Variants in STYXL2 observed in about 807,000 individuals in gnomAD.
STYXL2 encodes serine/threonine/tyrosine-interacting-like protein 2.
STYXL2 carries 44 observed loss-of-function variants against 52.4 expected under a neutral mutation model. The observed-to-expected ratio is 0.84, with a 90% confidence interval of 0.66 to 1.08. STYXL2 has a LOEUF of 1.08. STYXL2 is among the 50% of genes least tolerant of loss of function. The probability of loss-of-function intolerance (pLI) is 0.00; values close to 1 mark genes in which losing one functional copy is unlikely to be tolerated. For missense variants in STYXL2, 1,604 were observed against 1,471.7 expected, an observed-to-expected ratio of 1.09 and a Z score of -1.47; for synonymous variants, 604 against 586.9, an observed-to-expected ratio of 1.03 and a Z score of -0.42.
chr1:167,098,962 G>A (rs1381085177), intron 2 of STYXL2, among the ~76,000 whole-genome samples: 6 of 152,038 alleles, frequency 3.9e-5, no homozygotes. Context: ...TCAAGGGGAG[G>A]CAACATAAAC....
chr1:167,115,227 C>T (rs1309166011), intron 3 of STYXL2, among the ~76,000 whole-genome samples: 2 of 152,126 alleles, frequency 1.3e-5, no homozygotes, highest in African/African-American at 4.8e-5. Context: ...GCCTTAGTGG[C>T]TGAAGGGCTA....
intron 2 of STYXL2, among the ~76,000 whole-genome samples, chr1:167,102,815 A>G (rs1274647153): frequency 6.6e-6 from 1 of 152,192 alleles, no homozygotes; most frequent in African/African-American, 2.4e-5. Context: ...TAAAGGTTTG[A>G]GTCTTTAAGT....
chr1:167,121,321 T>C (rs1667852258), intron 5 of STYXL2, among the ~76,000 whole-genome samples: 1 of 152,198 alleles, frequency 6.6e-6, no homozygotes, highest in Non-Finnish European at 1.5e-5. Flanking sequence ...AAAAACTCCT[T>C]CTTTTTAAAA....
chr1:167,108,922 G>C (rs1461017505), intron 2 of STYXL2, among the ~76,000 whole-genome samples: 2 of 152,178 alleles, frequency 1.3e-5, no homozygotes, highest in African/African-American at 2.4e-5. Context: ...CAGATCACAG[G>C]AGAAGGATTT....
At chr1:167,102,304 A>AAT (rs750220480) in intron 2 of STYXL2, among the ~76,000 whole-genome samples, 58 of 150,346 alleles carry the variant, frequency 3.9e-4, no homozygotes, top group South Asian at 8.4e-4. Flanking sequence ...GTTTTTTAAA[A>AAT]ATATATATAT....
At position 167,127,038 on chromosome 1, in the gene STYXL2, CGCT is replaced by C; in HGVS notation, c.1909_1911del (p.Leu637del). 2 of 1,607,926 alleles carry C rather than the reference CGCT, an allele frequency of 1.2e-6. No homozygotes were observed. The highest frequency in any genetic ancestry group is 3.4e-5 in the Admixed American group (2 of 59,658). ...GAGCTGCTGGAGAGAAGCCGGCAGA[CGCT>C]GGAGGAGAGCCAGTCTATGGCAAGC... On this transcript the variant is annotated inframe_deletion, in exon 6 of 6. Coordinates refer to ENST00000361200, the MANE Select transcript of STYXL2 (RefSeq NM_001080426.3).
chr1:167,108,819 T>A (rs1667558776), intron 2 of STYXL2, among the ~76,000 whole-genome samples: 1 of 152,054 alleles, frequency 6.6e-6, no homozygotes, highest in South Asian at 2.1e-4. Context: ...TCTGCAAACA[T>A]CATGAGATAG....
rs565172764 is a variant in STYXL2 at position 167,104,716 on chromosome 1, T to C, written c.111-8994T>C. On this transcript the variant is annotated intron_variant, in intron 2 of 5. Transcript: ENST00000361200. ...TTCCTTAGAGCCTGAACTTTGCCTG[T>C]GTGTAGTCATTTTCTCTGAAGTCAC... Among the ~76,000 whole-genome samples, 3 of 152,348 alleles carry C rather than the reference T, an allele frequency of 2.0e-5. No homozygotes were observed. In the South Asian group the frequency reaches 6.2e-4, roughly 32 times the overall value.
chr1:167,127,566 G>A lies in STYXL2; in HGVS notation c.2435G>A (p.Cys812Tyr), dbSNP rs1668002741. 1 of 1,614,116 alleles carries A rather than the reference G, an allele frequency of 6.2e-7. No individual in the cohort carries two copies. The highest frequency in any genetic ancestry group is 8.5e-7 in the Non-Finnish European group (1 of 1,180,000). Residue 812 changes from cysteine to tyrosine, a missense_variant, in exon 6 of 6, where the codon TGC becomes TAC. By Grantham distance (194) the Cys-to-Tyr change is radical. Coordinates refer to ENST00000361200, the MANE Select transcript of STYXL2 (RefSeq NM_001080426.3). ...NTTLSSPAESCRSKVRGTSKP... is the reference protein window; with the variant it reads ...NTTLSSPAESYRSKVRGTSKP... ...ACACTGAGCTCACCCGCGGAAAGTT[G>A]CAGAAGCAAAGTGAGGGGGACCAGC...
At chr1:167,115,707 G>A (rs1263653036) in intron 3 of STYXL2, among the ~76,000 whole-genome samples, 1 of 152,120 alleles carries the variant, frequency 6.6e-6, no homozygotes, top group Non-Finnish European at 1.5e-5. Flanking sequence ...GGAGAAAACT[G>A]GGTAGTGGAG....
At chr1:167,099,374 C>T (rs977685347) in intron 2 of STYXL2, among the ~76,000 whole-genome samples, 10 of 152,092 alleles carry the variant, frequency 6.6e-5, no homozygotes, top group Non-Finnish European at 1.2e-4. Context: ...ATAGAACATG[C>T]ACCCAACAAG....
intron 5 of STYXL2, among the ~76,000 whole-genome samples, chr1:167,122,070 G>A (rs938383827): frequency 6.6e-6 from 1 of 152,064 alleles, no homozygotes; most frequent in Non-Finnish European, 1.5e-5. Flanking sequence ...GCCTATGAGG[G>A]GGTGTTGTTA....
rs767627024 is a variant in STYXL2, at chr1:167,127,218, C to A, written c.2087C>A (p.Ala696Glu). 6.2e-7 allele frequency: 1 copy of A among 1,613,984 alleles called. No individual in the cohort carries two copies. The highest frequency in any genetic ancestry group is 8.5e-7 in the Non-Finnish European group (1 of 1,179,980). Residue 696 changes from alanine to glutamate, a missense_variant, in exon 6 of 6, where the codon GCG becomes GAG. Ala to Glu is a moderately radical substitution (Grantham distance 107). Coordinates refer to ENST00000361200, the MANE Select transcript of STYXL2 (RefSeq NM_001080426.3). Reference protein sequence around the residue: ...SHLSQAASNIAGCSTSNPTTP... With the variant: ...SHLSQAASNIEGCSTSNPTTP... Reference sequence around the variant, plus strand: ...CTGTCTCAGGCTGCAAGCAACATAGCGGGGTGTTCAACCTCCAACCCCACC... The same window carrying A: ...CTGTCTCAGGCTGCAAGCAACATAGAGGGGTGTTCAACCTCCAACCCCACC...
At chr1:167,107,210 A>G (rs1667521972) in intron 2 of STYXL2, among the ~76,000 whole-genome samples, 1 of 152,066 alleles carries the variant, frequency 6.6e-6, no homozygotes, top group South Asian at 2.1e-4. Context: ...AGGAGTTCCC[A>G]GAAAAAGAGT....
chr1:167,101,748 C>G (rs1488516897), intron 2 of STYXL2, among the ~76,000 whole-genome samples: 1 of 149,738 alleles, frequency 6.7e-6, no homozygotes, highest in African/African-American at 2.5e-5. Flanking sequence ...TTGCAGTGAA[C>G]CAAGATTGCA....
chr1:167,126,259 C>G lies in STYXL2; in HGVS notation c.1128C>G (p.Ser376=). ...PQDGGGWRSA[S]SGQGGEELED... The stretch of plus-strand genomic sequence containing the variant: ...ATGGAGGTGGCTGGCGCTCAGCCTC[C>G]TCTGGCCAGGGTGGGGAGGAGCTCG... Residue 376 remains serine (S), a synonymous_variant, in exon 6 of 6, where the codon TCC becomes TCG. Transcript: ENST00000361200. 1 of 1,543,866 alleles carries G rather than the reference C, an allele frequency of 6.5e-7. No homozygotes were observed. The highest frequency in any genetic ancestry group is 2.3e-5 in the East Asian group (1 of 43,500).
intron 3 of STYXL2, among the ~76,000 whole-genome samples, chr1:167,116,720 C>T (rs1667731786): frequency 7.0e-6 from 1 of 142,948 alleles, no homozygotes; most frequent in Non-Finnish European, 1.5e-5. Context: ...GGCATGCTCT[C>T]AGCTCACTGC....
At position 167,119,252 on chromosome 1, in the gene STYXL2, T is replaced by C; in HGVS notation, c.441T>C (p.Ser147=). 1 of 1,613,832 alleles carries C rather than the reference T, an allele frequency of 6.2e-7. No individual in the cohort carries two copies. Among genetic ancestry groups the C allele is most frequent in the Non-Finnish European group, 8.5e-7 (1 of 1,179,942 alleles). Residue 147 remains serine (S), a synonymous_variant, in exon 5 of 6, where the codon AGT becomes AGC. Coordinates refer to ENST00000361200, the MANE Select transcript of STYXL2 (RefSeq NM_001080426.3). The part of the protein sequence containing the change: ...VWPNVFIAEK[S]VAVNKGRLKR... ...AGGTCCCTGCCTCTTCCCGCAGGAG[T>C]GTGGCTGTGAACAAGGGGAGGCTGA...
rs758753192 is a variant in STYXL2 at position 167,127,071 on chromosome 1, A to G, written c.1940A>G (p.Glu647Gly). 2 of 1,612,970 alleles carry G rather than the reference A, an allele frequency of 1.2e-6. No individual in the cohort carries two copies. The highest frequency in any genetic ancestry group is 1.1e-5 in the South Asian group (1 of 90,934). The change falls in exon 6 of 6, where the codon GAG (glutamate) becomes GGG (glycine). Residue 647 changes from glutamate (E) to glycine (G), a missense_variant. Transcript: ENST00000361200. The part of the protein sequence containing the change: ...LEESQSMASW[E>G]ADSSTASGSI... ...GAGAGCCAGTCTATGGCAAGCTGGG[A>G]GGCGGACAGCTCCACGGCCAGCGGG...
Sources: gnomAD v4.1 joint callset for allele counts (sites outside exome capture counted in the v4.1 genomes callset) on GRCh38, gnomAD v4.1.1 for gene constraint, MANE v1.5 for transcripts, NCBI Gene and HGNC (gene_info 2026-07-23, HGNC 2026-07-21) for gene names.